Variants in GRIK3 observed in about 807,000 individuals in gnomAD.
GRIK3 encodes glutamate ionotropic receptor kainate type subunit 3.
A neutral mutation model predicts 102.5 loss-of-function variants in GRIK3; 29 were observed. That is an observed-to-expected ratio of 0.28 (90% CI 0.21 to 0.39). GRIK3 has a LOEUF of 0.39. Among genes scored for constraint, GRIK3 ranks in the 10% least tolerant of loss-of-function variants. The probability of loss-of-function intolerance (pLI) is 1.00; values close to 1 mark genes in which losing one functional copy is unlikely to be tolerated. For missense variants in GRIK3, 908 were observed against 1,252.4 expected (o/e 0.73, Z 4.15); for synonymous variants, 511 against 504.9 (o/e 1.01, Z -0.16).
At chr1:36,803,570 AC>A in intron 15 of GRIK3, among the ~76,000 whole-genome samples, 1 of 152,162 alleles carries the variant, frequency 6.6e-6, no homozygotes. Flanking sequence ...AGCTGGGACT[AC>A]AGGTGCAAGC....
Position 36,850,806 on chromosome 1 carries a change from G to A in GRIK3, c.1213-382C>T, listed in dbSNP as rs1003754900. Among the ~76,000 whole-genome samples, 1 of 152,214 alleles carries A rather than the reference G, an allele frequency of 6.6e-6. No homozygotes were observed. The highest frequency in any genetic ancestry group is 1.5e-5 in the Non-Finnish European group (1 of 68,046). On this transcript the variant is annotated intron_variant, in intron 8 of 15. Coordinates refer to ENST00000373091, the MANE Select transcript of GRIK3 (RefSeq NM_000831.4). The surrounding 1 kb of genome is among the most constrained non-coding windows in gnomAD (Gnocchi z 4.0). ...GGGTCTATGGTCAGTGCCAGGTCTT[G>A]CCCTGGGACACAGTCTTTGTGGCTG...
chr1:36,960,697 G>A (rs1217730463), intron 1 of GRIK3, among the ~76,000 whole-genome samples: 2 of 152,178 alleles, frequency 1.3e-5, no homozygotes, highest in Non-Finnish European at 2.9e-5. Context: ...CCAGACTTCC[G>A]CTGCTAAGCC....
chr1:36,841,692 C>T lies in GRIK3; in HGVS notation c.1530+44G>A, dbSNP rs534122142. On this transcript the variant is annotated intron_variant, in intron 10 of 15. Transcript: ENST00000373091. Reference sequence around the variant, plus strand: ...TGGTGCAGACAGTTCTAGGCCAAGTCTCCCCAGGGTCCTGAGCCCTCCCAT... The same window carrying T: ...TGGTGCAGACAGTTCTAGGCCAAGTTTCCCCAGGGTCCTGAGCCCTCCCAT... 3.8e-5 allele frequency: 58 copies of T among 1,526,690 alleles called. No individual in the cohort carries two copies. The African/African-American group carries it at 7.0e-4, about 18-fold the overall frequency. The allele number at this position is 1,526,690 out of a possible 1,614,324, so 94.6% of individuals were successfully genotyped here.
intron 2 of GRIK3, among the ~76,000 whole-genome samples, chr1:36,888,818 C>T (rs1423166718): frequency 6.6e-6 from 1 of 152,160 alleles, no homozygotes. Context: ...AGCCTTCCTG[C>T]TTGTACCACA....
At position 36,919,956 on chromosome 1, in the gene GRIK3, C is replaced by T. The variant is rs529257166; in HGVS notation, c.116-28860G>A. On this transcript the variant is annotated intron_variant, in intron 1 of 15. Transcript: ENST00000373091. ...GCCATCAGCAGATGCATGCAAGCTG[C>T]AGCTGCGGATGCTCACTGGATGCAG... Among the ~76,000 whole-genome samples the T allele has an allele frequency of 3.3e-5, 5 of 152,374 alleles. No homozygotes were observed. In the South Asian group the frequency reaches 1.0e-3, roughly 32 times the overall value.
chr1:36,974,301 A>G (rs1642173259), intron 1 of GRIK3, among the ~76,000 whole-genome samples: 1 of 152,230 alleles, frequency 6.6e-6, no homozygotes, highest in African/African-American at 2.4e-5. Flanking sequence ...CAGAAACCGC[A>G]GTTACTTTTG....
rs1381492302 is a variant in GRIK3, at chr1:37,034,178, G to C, written c.-70C>G. On this transcript the variant is annotated 5_prime_UTR_variant, in exon 1 of 16. Transcript: ENST00000373091. ...TCCCTGGGGCGGCAGCTCTAGGCGC[G>C]GGCGCGCAGCAGCCCCGAAGGCGCC... 46 of 580,688 alleles carry C rather than the reference G, an allele frequency of 7.9e-5. No homozygotes were observed. Among genetic ancestry groups the C allele is most frequent in the South Asian group, 1.7e-4 (4 of 23,368 alleles). 36.0% of individuals were successfully genotyped at this position (580,688 alleles called of 1,614,324 possible).
chr1:36,935,198 C>A (rs1290313603), intron 1 of GRIK3, among the ~76,000 whole-genome samples: 1 of 152,152 alleles, frequency 6.6e-6, no homozygotes, highest in Non-Finnish European at 1.5e-5. Flanking sequence ...CACCCAGCAC[C>A]CAGCACGGTG....
intron 1 of GRIK3, among the ~76,000 whole-genome samples, chr1:37,015,997 T>C (rs1255521641): frequency 2.4e-4 from 37 of 152,202 alleles, no homozygotes; most frequent in Admixed American, 2.4e-3. Context: ...GCCCAGCACA[T>C]GTTAACTGAA....
intron 1 of GRIK3, among the ~76,000 whole-genome samples, chr1:36,996,189 GACA>G (rs1379878522): frequency 1.3e-5 from 2 of 152,354 alleles, no homozygotes; most frequent in Admixed American, 6.5e-5. Context: ...AAAGGCTCCT[GACA>G]ACAAGTGGGA....
At position 36,880,764 on chromosome 1, in the gene GRIK3, G is replaced by A. The variant is rs927268847; in HGVS notation, c.420C>T (p.His140=). 4 of 1,614,210 alleles carry A rather than the reference G, an allele frequency of 2.5e-6. No individual in the cohort carries two copies. In the Admixed American group the frequency reaches 6.7e-5, roughly 27 times the overall value. The change falls in exon 3 of 16, where the codon CAC becomes CAT. Residue 140 remains histidine (H), a synonymous_variant. Coordinates refer to ENST00000373091, the MANE Select transcript of GRIK3 (RefSeq NM_000831.4). The surrounding 1 kb of genome is among the most constrained non-coding windows in gnomAD (Gnocchi z 5.4). ...AGAAGGTGTCCTTGTTGTCCAGCGGGTGGTGCTTCCAACGCAGCTGGATGT... is the reference window on the plus strand; with the variant it reads ...AGAAGGTGTCCTTGTTGTCCAGCGGATGGTGCTTCCAACGCAGCTGGATGT... The part of the protein sequence containing the change: ...VPHIQLRWKH[H]PLDNKDTFYV...
intron 1 of GRIK3, among the ~76,000 whole-genome samples, chr1:37,027,448 A>G (rs1642775494): frequency 6.6e-6 from 1 of 152,162 alleles, no homozygotes; most frequent in Non-Finnish European, 1.5e-5. Context: ...GGTCAGGGCC[A>G]GGATTTAAGG....
rs1306463566 is a variant in GRIK3 at position 36,798,317 on chromosome 1, G to C, written c.*3534C>G. The C allele has an allele frequency of 1.3e-5, 2 of 152,264 alleles. No homozygotes were observed. Among genetic ancestry groups the C allele is most frequent in the African/African-American group, 4.8e-5 (2 of 41,436 alleles). 9.4% of individuals were successfully genotyped at this position (152,264 alleles called of 1,614,324 possible). ...GGCACTTGCATTTGGGGATGCAGTG[G>C]GGACATTCTTCTGTTCAGGGCTGGC... On this transcript the variant is annotated 3_prime_UTR_variant, in exon 16 of 16. Coordinates refer to ENST00000373091, the MANE Select transcript of GRIK3 (RefSeq NM_000831.4).
chr1:36,804,066 G>A (rs1210310204), intron 15 of GRIK3, among the ~76,000 whole-genome samples: 2 of 152,314 alleles, frequency 1.3e-5, no homozygotes, highest in East Asian at 1.9e-4. Context: ...GCTGGACAGC[G>A]TCCCTTCGGT....
intron 1 of GRIK3, among the ~76,000 whole-genome samples, chr1:37,028,877 G>T (rs886116479): frequency 2.0e-5 from 3 of 152,226 alleles, no homozygotes; most frequent in Non-Finnish European, 4.4e-5. Flanking sequence ...ATGAAGAGAA[G>T]AGCCCTATGG....
intron 1 of GRIK3, among the ~76,000 whole-genome samples, chr1:37,019,173 C>A (rs1336214814): frequency 2.0e-5 from 3 of 152,226 alleles, no homozygotes; most frequent in Non-Finnish European, 4.4e-5. Flanking sequence ...CCCCTACTTA[C>A]ACATGCATCC....
intron 1 of GRIK3, among the ~76,000 whole-genome samples, chr1:36,923,614 G>C (rs1400675803): frequency 1.3e-5 from 2 of 152,086 alleles, no homozygotes; most frequent in Non-Finnish European, 2.9e-5. Flanking sequence ...TTCCTGGCAG[G>C]GCCTCAGTTT....
intron 10 of GRIK3, among the ~76,000 whole-genome samples, chr1:36,826,888 A>C (rs1038777667): frequency 1.1e-4 from 17 of 152,096 alleles, no homozygotes; most frequent in African/African-American, 4.1e-4. Flanking sequence ...AGATTCCCTC[A>C]TTCCCATCCC....
chr1:37,001,065 G>A (rs1570856667), intron 1 of GRIK3, among the ~76,000 whole-genome samples: 1 of 152,208 alleles, frequency 6.6e-6, no homozygotes, highest in East Asian at 1.9e-4. Context: ...GTCAATAACT[G>A]TCCAGAGAGA....
Sources: allele counts gnomAD v4.1 joint callset (sites outside exome capture counted in the v4.1 genomes callset), GRCh38; gene constraint gnomAD v4.1.1; non-coding constraint Gnocchi (gnomAD v3.1); transcripts MANE v1.5; gene names NCBI Gene and HGNC (gene_info 2026-07-23, HGNC 2026-07-21).